Variants in TAFA1 observed in about 807,000 individuals in gnomAD.
TAFA1 encodes the protein chemokine-like protein TAFA-1.
A neutral mutation model predicts 18.5 loss-of-function variants in TAFA1; 4 were observed. The ratio of observed to expected loss-of-function variants is 0.22; its 90% CI spans 0.11 to 0.49. TAFA1 has a LOEUF of 0.49. Among genes scored for constraint, TAFA1 ranks in the 20% least tolerant of loss-of-function variants. TAFA1 has a pLI of 0.98. For missense variants in TAFA1, 147 were observed against 169.0 expected (o/e 0.87, Z 0.72); for synonymous variants, 56 against 55.2 (o/e 1.01, Z -0.06).
intron 2 of TAFA1, among the ~76,000 whole-genome samples, chr3:68,245,232 C>T (rs1393823261): frequency 3.9e-5 from 6 of 152,172 alleles, no homozygotes; most frequent in Non-Finnish European, 8.8e-5. Context: ...TACACTTTGT[C>T]GTGCCAGTAG....
chr3:68,075,102 C>G (rs1206132662), intron 2 of TAFA1, among the ~76,000 whole-genome samples: 1 of 152,178 alleles, frequency 6.6e-6, no homozygotes. Flanking sequence ...GTGTCTGAAA[C>G]TATAACTTTT....
At position 68,090,800 on chromosome 3, in the gene TAFA1, G is replaced by A. The variant is rs538993457; in HGVS notation, c.118+84056G>A. Among the ~76,000 whole-genome samples the A allele has an allele frequency of 2.5e-4, 38 of 152,212 alleles. 1 individual carries two copies. In the East Asian group the frequency reaches 5.4e-3, roughly 22 times the overall value. On this transcript the variant is annotated intron_variant, in intron 2 of 4. Transcript: ENST00000478136. ...TGAGAGAAGTGCATTTCTGAAAGAC[G>A]GGTCAGAGACAACCAGGAAGTTAGT... is the stretch of plus-strand genomic sequence containing the variant.
In TAFA1 at chr3:68,085,352, G is replaced by A. The variant is rs570288066; in HGVS notation, c.118+78608G>A. ...CTCATTAGAAACCCCTAAACATACAGAGTATGCAACATTTCCTAACTTATT... is the reference window on the plus strand; with the variant it reads ...CTCATTAGAAACCCCTAAACATACAAAGTATGCAACATTTCCTAACTTATT... On this transcript the variant is annotated intron_variant, in intron 2 of 4. Coordinates refer to ENST00000478136, the MANE Select transcript of TAFA1 (RefSeq NM_213609.4). Among the ~76,000 whole-genome samples, 4 of 152,298 alleles carry A rather than the reference G, an allele frequency of 2.6e-5. No homozygotes were observed. In the South Asian group the frequency reaches 8.3e-4, roughly 32 times the overall value.
At chr3:67,996,543 A>G in the TAFA1 span, among the ~76,000 whole-genome samples, 1 of 152,182 alleles carries the variant, frequency 6.6e-6, no homozygotes, top group African/African-American at 2.4e-5. Flanking sequence ...TCATGCCTGC[A>G]ATCCCAGCAC....
intron 2 of TAFA1, among the ~76,000 whole-genome samples, chr3:68,182,394 T>C (rs1012169856): frequency 2.0e-5 from 3 of 152,160 alleles, no homozygotes; most frequent in Admixed American, 6.5e-5. Context: ...ATGAGATGTA[T>C]AGTGTGATGC....
chr3:68,032,777 T>C (rs1704965229), intron 2 of TAFA1, among the ~76,000 whole-genome samples: 1 of 152,132 alleles, frequency 6.6e-6, no homozygotes, highest in African/African-American at 2.4e-5. Context: ...CCTCATATCA[T>C]CCTGTCCAGG....
chr3:68,234,114 C>A (rs2066901399), intron 2 of TAFA1, among the ~76,000 whole-genome samples: 1 of 152,158 alleles, frequency 6.6e-6, no homozygotes, highest in African/African-American at 2.4e-5. Flanking sequence ...GATTATCCAG[C>A]AGCTGATATT....
At chr3:68,289,122 C>A (rs9828710) in intron 2 of TAFA1, among the ~76,000 whole-genome samples, 1 of 152,086 alleles carries the variant, frequency 6.6e-6, no homozygotes, top group Non-Finnish European at 1.5e-5. Flanking sequence ...TTTTAAGGTG[C>A]CTGTTCATGT....
At chr3:68,042,454 A>T (rs1705185122) in intron 2 of TAFA1, among the ~76,000 whole-genome samples, 2 of 152,178 alleles carry the variant, frequency 1.3e-5, no homozygotes, top group Non-Finnish European at 2.9e-5. Flanking sequence ...GTTCAAGACC[A>T]GCTTGACCAA....
At chr3:68,359,070 C>T (rs1250108196) in intron 2 of TAFA1, among the ~76,000 whole-genome samples, 1 of 151,998 alleles carries the variant, frequency 6.6e-6, no homozygotes, top group Non-Finnish European at 1.5e-5. Flanking sequence ...GCTTTGTACC[C>T]AGAGCACTGT....
chr3:68,002,211 T>C (rs1704290880), upstream of TAFA1, among the ~76,000 whole-genome samples: 2 of 152,216 alleles, frequency 1.3e-5, no homozygotes, highest in Admixed American at 1.3e-4. Context: ...TGCAATGCAA[T>C]GGACTGCAAG....
At chr3:68,217,624 C>T (rs181366414) in intron 2 of TAFA1, among the ~76,000 whole-genome samples, 1 of 152,026 alleles carries the variant, frequency 6.6e-6, no homozygotes, top group East Asian at 1.9e-4. Flanking sequence ...CATACTAATA[C>T]TAATGTAAGA....
chr3:68,429,744 C>A (rs1451378064), intron 3 of TAFA1, among the ~76,000 whole-genome samples: 5 of 151,810 alleles, frequency 3.3e-5, no homozygotes, highest in Non-Finnish European at 7.4e-5. Flanking sequence ...TGAAATGCAT[C>A]CTCAAAACCC....
At chr3:68,378,275 C>T (rs1256862960) in intron 2 of TAFA1, among the ~76,000 whole-genome samples, 6 of 152,138 alleles carry the variant, frequency 3.9e-5, no homozygotes, top group African/African-American at 1.4e-4. Context: ...CATCTTGCAT[C>T]AACATGCCAA....
chr3:68,035,723 A>G (rs1473899381), intron 2 of TAFA1, among the ~76,000 whole-genome samples: 1 of 152,182 alleles, frequency 6.6e-6, no homozygotes, highest in Non-Finnish European at 1.5e-5. Flanking sequence ...CACAAAAAAC[A>G]TGTGTGAATA....
chr3:68,475,326 C>G (rs2072070998), intron 3 of TAFA1, among the ~76,000 whole-genome samples: 1 of 149,796 alleles, frequency 6.7e-6, no homozygotes, highest in South Asian at 2.1e-4. Context: ...CACCCCACAA[C>G]AGTCCCCTGT....
intron 2 of TAFA1, among the ~76,000 whole-genome samples, chr3:68,243,902 AGTT>A (rs1291088615): frequency 6.6e-6 from 1 of 152,184 alleles, no homozygotes; most frequent in African/African-American, 2.4e-5. Flanking sequence ...CAGTTCTAGC[AGTT>A]ATGTATGAGC....
At chr3:68,433,483 A>G (rs991669784) in intron 3 of TAFA1, among the ~76,000 whole-genome samples, 3 of 152,094 alleles carry the variant, frequency 2.0e-5, no homozygotes, top group Non-Finnish European at 4.4e-5. Flanking sequence ...TTGGAACACA[A>G]ATTCCCACTT....
At chr3:68,063,119 AGAAGTTC>A (rs1384735672) in intron 2 of TAFA1, among the ~76,000 whole-genome samples, 1 of 152,228 alleles carries the variant, frequency 6.6e-6, no homozygotes. Context: ...ATTGCCTAAG[AGAAGTTC>A]GAAATCTGGG....
Sources: gnomAD v4.1 joint callset for allele counts (sites outside exome capture counted in the v4.1 genomes callset) on GRCh38, gnomAD v4.1.1 for gene constraint, MANE v1.5 for transcripts, NCBI Gene and HGNC (gene_info 2026-07-23, HGNC 2026-07-21) for gene names.